DPP6: variants seen among roughly 807,000 people sequenced by gnomAD.
DPP6 encodes the protein dipeptidyl peptidase like 6.
A neutral mutation model predicts 122.6 loss-of-function variants in DPP6; 69 were observed. The ratio of observed to expected loss-of-function variants is 0.56; its 90% CI spans 0.46 to 0.69. The LOEUF is 0.69. DPP6 is among the 30% of genes least tolerant of loss of function. The probability of loss-of-function intolerance (pLI) is 0.00; values close to 1 mark genes in which losing one functional copy is unlikely to be tolerated. For missense variants in DPP6, 928 were observed against 1,116.9 expected (o/e 0.83, Z 2.41); for synonymous variants, 418 against 433.1 (o/e 0.97, Z 0.43).
intron 1 of DPP6, among the ~76,000 whole-genome samples, chr7:154,338,532 C>A (rs1809631675): frequency 6.6e-6 from 1 of 152,150 alleles, no homozygotes; most frequent in Non-Finnish European, 1.5e-5. Flanking sequence ...AGAAGAAGAA[C>A]CAATTAACTA....
rs1815773523 is a variant in DPP6, at chr7:154,403,050, CAG to C, written c.244-43161_244-43160del. 6.6e-6 allele frequency among the ~76,000 whole-genome samples: 1 copy of C among 152,190 alleles called. No homozygotes were observed. The highest frequency in any genetic ancestry group is 2.4e-5 in the African/African-American group (1 of 41,444). On this transcript the variant is annotated intron_variant, in intron 1 of 25. Coordinates refer to ENST00000377770, the MANE Select transcript of DPP6 (RefSeq NM_130797.4). This position sits in a 1 kb window ranked among gnomAD's most constrained non-coding sequence, Gnocchi z 4.1. Reference sequence around the variant, plus strand: ...AACAGAGATGCTAATAGCTAATTATCAGAGTTATTTATATGACTGTGTCAGGT... The same window carrying C: ...AACAGAGATGCTAATAGCTAATTATCAGTTATTTATATGACTGTGTCAGGT...
At chr7:154,528,640 C>A (rs1827599189) in intron 3 of DPP6, among the ~76,000 whole-genome samples, 1 of 152,202 alleles carries the variant, frequency 6.6e-6, no homozygotes, top group African/African-American at 2.4e-5. Flanking sequence ...GGCCTCTTCT[C>A]TGGCGAATCA....
chr7:154,665,338 T>G (rs995694355), intron 6 of DPP6, among the ~76,000 whole-genome samples: 2 of 152,184 alleles, frequency 1.3e-5, no homozygotes, highest in Admixed American at 1.3e-4. Flanking sequence ...ATTTAATTAT[T>G]TATATCAGTA....
chr7:154,589,109 A>G (rs1832652016), intron 5 of DPP6, among the ~76,000 whole-genome samples: 1 of 152,198 alleles, frequency 6.6e-6, no homozygotes. Flanking sequence ...CACACCCTGC[A>G]CAAGTATGCT....
At chr7:154,226,674 G>T (rs10281098) in intron 1 of DPP6, among the ~76,000 whole-genome samples, 22,153 of 152,136 alleles carry the variant, frequency 0.15, 2,914 homozygotes, top group African/African-American at 0.35. Context: ...GGCATCCTCA[G>T]TAGGCTCTGC....
chr7:154,543,188 A>G (rs1828870108), intron 4 of DPP6, among the ~76,000 whole-genome samples: 1 of 152,224 alleles, frequency 6.6e-6, no homozygotes, highest in Non-Finnish European at 1.5e-5. Flanking sequence ...AAATGATAAA[A>G]AGCAATCTGA....
intron 1 of DPP6, among the ~76,000 whole-genome samples, chr7:154,098,159 G>T (rs1342627658): frequency 6.6e-6 from 1 of 152,122 alleles, no homozygotes; most frequent in African/African-American, 2.4e-5. Flanking sequence ...CGTGGAGATG[G>T]TTACCCTCAT....
chr7:154,406,154 A>G (rs1038415509), intron 1 of DPP6, among the ~76,000 whole-genome samples: 7 of 152,216 alleles, frequency 4.6e-5, no homozygotes, highest in African/African-American at 1.7e-4. Flanking sequence ...GTCATGTATT[A>G]TTAGTATAGG....
intron 1 of DPP6, among the ~76,000 whole-genome samples, chr7:154,045,601 A>G (rs1051893316): frequency 2.6e-5 from 4 of 152,186 alleles, no homozygotes; most frequent in Non-Finnish European, 5.9e-5. Flanking sequence ...TAAAAATGCT[A>G]CTTGGTGCTG....
At chr7:154,178,111 TG>T (rs1172576666) in intron 1 of DPP6, among the ~76,000 whole-genome samples, 1 of 152,182 alleles carries the variant, frequency 6.6e-6, no homozygotes, top group East Asian at 1.9e-4. Context: ...GGGAGTCGGT[TG>T]TAAGTTGTCA....
At chr7:154,375,439 C>G (rs926054139) in intron 1 of DPP6, among the ~76,000 whole-genome samples, 3 of 152,112 alleles carry the variant, frequency 2.0e-5, no homozygotes, top group African/African-American at 7.2e-5. Flanking sequence ...TAGTATGAGC[C>G]TTGTTACAGA....
At chr7:154,592,732 T>A (rs947549987) in intron 5 of DPP6, among the ~76,000 whole-genome samples, 4 of 152,216 alleles carry the variant, frequency 2.6e-5, no homozygotes, top group Non-Finnish European at 5.9e-5. Context: ...CAGGCCAGCG[T>A]GGCTACAGTG....
chr7:154,102,356 A>AT (rs1563201392), intron 1 of DPP6, among the ~76,000 whole-genome samples: 1 of 151,864 alleles, frequency 6.6e-6, no homozygotes, highest in Non-Finnish European at 1.5e-5. Context: ...CGCCCAGCTA[A>AT]TTTTTGTATT....
intron 1 of DPP6, among the ~76,000 whole-genome samples, chr7:154,302,592 G>A (rs1329310342): frequency 1.3e-5 from 2 of 152,184 alleles, no homozygotes; most frequent in South Asian, 2.1e-4. Context: ...GCTGGTCAAA[G>A]TCCAAGCAAT....
chr7:154,252,651 G>C (rs1319493971), intron 1 of DPP6, among the ~76,000 whole-genome samples: 1 of 152,178 alleles, frequency 6.6e-6, no homozygotes, highest in Non-Finnish European at 1.5e-5. Context: ...AGGATGTATG[G>C]ATTATGGCAG....
intron 1 of DPP6, among the ~76,000 whole-genome samples, chr7:154,232,133 G>A (rs2150852993): frequency 6.6e-6 from 1 of 152,330 alleles, no homozygotes; most frequent in South Asian, 2.1e-4. Context: ...CAAGCTGATA[G>A]GGTGAGTGGG....
chr7:154,766,931 T>C (rs530760896), intron 8 of DPP6, among the ~76,000 whole-genome samples: 15 of 152,316 alleles, frequency 9.8e-5, no homozygotes, highest in Non-Finnish European at 1.9e-4. Context: ...TAGTGGCCTC[T>C]TGTGGAACCT....
chr7:154,893,301 C>T lies in DPP6; in HGVS notation c.*821C>T. On this transcript the variant is annotated 3_prime_UTR_variant, in exon 26 of 26. Transcript: ENST00000377770. ...CTGAGGGGGAAGACAGCCAATAGCACCCATTAAAAGAAATACCTAAATAAA... is the reference window on the plus strand; with the variant it reads ...CTGAGGGGGAAGACAGCCAATAGCATCCATTAAAAGAAATACCTAAATAAA... 4.4e-6 allele frequency: 1 copy of T among 225,124 alleles called. No homozygotes were observed. The highest frequency in any genetic ancestry group is 8.9e-6 in the Non-Finnish European group (1 of 111,950). 13.9% of individuals were successfully genotyped at this position (225,124 alleles called of 1,614,324 possible).
rs113416741 is a variant in DPP6, at chr7:154,286,804, CT to C, written c.244-159394del. ...ACCAGTCCCATGCCTATGATTTCTT[CT>C]TTTTTTTTTTTTTTTCTTTTGAGAC... On this transcript the variant is annotated intron_variant, in intron 1 of 25. Coordinates refer to ENST00000377770, the MANE Select transcript of DPP6 (RefSeq NM_130797.4). Among the ~76,000 whole-genome samples the C allele has an allele frequency of 4.7e-3, 624 of 133,866 alleles. 2 individuals are homozygous for C. The highest frequency in any genetic ancestry group is 0.01 in the African/African-American group (395 of 38,148). 87.8% of individuals were successfully genotyped at this position (133,866 alleles called of 152,430 possible). A position where few individuals can be genotyped will look rare whatever the true frequency, so the allele number is the denominator to read the frequency against.
Sources: allele counts gnomAD v4.1 joint callset (sites outside exome capture counted in the v4.1 genomes callset), GRCh38; gene constraint gnomAD v4.1.1; non-coding constraint Gnocchi (gnomAD v3.1); transcripts MANE v1.5; gene names NCBI Gene and HGNC (gene_info 2026-07-23, HGNC 2026-07-21).